The following GDF10 variants were observed in gnomAD, a reference collection of about 807,000 sequenced individuals.
The protein encoded by GDF10 is growth differentiation factor 10, also known as growth/differentiation factor 10.
GDF10 carries 23 observed loss-of-function variants against 32.1 expected under a neutral mutation model. The ratio of observed to expected loss-of-function variants is 0.72; its 90% CI spans 0.52 to 1.02. The LOEUF is 1.02. GDF10 is among the 50% of genes least tolerant of loss of function. The pLI, the probability that GDF10 is intolerant of heterozygous loss-of-function variation, is 0.00. For missense variants in GDF10, 764 were observed against 673.9 expected (o/e 1.13, Z -1.48); for synonymous variants, 328 against 303.1 (o/e 1.08, Z -0.85).
rs1464589689 is a variant in GDF10, at chr10:47,313,205, G to C, written c.*413G>C. 1 of 156,550 alleles carries C rather than the reference G, an allele frequency of 6.4e-6. No individual in the cohort carries two copies. The highest frequency in any genetic ancestry group is 2.4e-5 in the African/African-American group (1 of 41,604). 9.7% of individuals were successfully genotyped at this position (156,550 alleles called of 1,614,324 possible). The stretch of plus-strand genomic sequence containing the variant: ...TAAATGCTCAGTTCAGAACACTTTG[G>C]GCCACATAGTGATTTTGGAAAACAG... On this transcript the variant is annotated 3_prime_UTR_variant, in exon 3 of 3. Transcript: ENST00000580279.
rs1178079783 is a variant in GDF10 at position 47,310,387 on chromosome 10, C to A, written c.911C>A (p.Pro304Gln). Residue 304 changes from proline to glutamine, a missense_variant, in exon 2 of 3, where the codon CCG becomes CAG. Physicochemically the swap from Pro to Gln is moderately conservative, Grantham distance 76. Coordinates refer to ENST00000580279, the MANE Select transcript of GDF10 (RefSeq NM_004962.5). ...GGGCCCCTCCAGGACAACGAGCTGC[C>A]GGGGCTGGATGAGAGGCCGCCGCGC... is the stretch of plus-strand genomic sequence containing the variant. The part of the protein sequence containing the change: ...ATGPLQDNEL[P>Q]GLDERPPRAH... 1.9e-6 allele frequency: 3 copies of A among 1,608,372 alleles called. No homozygotes were observed. Among genetic ancestry groups the A allele is most frequent in the Non-Finnish European group, 2.5e-6 (3 of 1,178,362 alleles).
intron 1 of GDF10, among the ~76,000 whole-genome samples, chr10:47,301,455 CT>C (rs1555206847): frequency 1.3e-5 from 2 of 151,644 alleles, no homozygotes; most frequent in Non-Finnish European, 2.9e-5. Flanking sequence ...TGAGAAGGGC[CT>C]TGGCTGCCCG....
intron 1 of GDF10, among the ~76,000 whole-genome samples, chr10:47,307,828 C>A (rs1016023662): frequency 3.3e-5 from 5 of 152,160 alleles, no homozygotes; most frequent in African/African-American, 1.2e-4. Context: ...TGCAAGGTAC[C>A]CCAGTTGATG....
Position 47,310,870 on chromosome 10 carries a change from T to C in GDF10, c.1245+149T>C, listed in dbSNP as rs147547555. ...ATTCCAGGCAGGAAATAGGTAGACA[T>C]AGGTCACCAAGTGGCAGCCCGTAGG... On this transcript the variant is annotated intron_variant, in intron 2 of 2. Coordinates refer to ENST00000580279, the MANE Select transcript of GDF10 (RefSeq NM_004962.5). The C allele has an allele frequency of 4.8e-6, 3 of 624,980 alleles. No individual in the cohort carries two copies. The African/African-American group carries it at 5.5e-5, about 11-fold the overall frequency. The allele number at this position is 624,980 out of a possible 1,614,324, so 38.7% of individuals were successfully genotyped here. A position where few individuals can be genotyped will look rare whatever the true frequency, so the allele number is the denominator to read the frequency against.
chr10:47,310,183 G>A lies in GDF10; in HGVS notation c.707G>A (p.Arg236Gln), dbSNP rs782795294. The A allele has an allele frequency of 1.6e-5, 26 of 1,611,590 alleles. No individual in the cohort carries two copies. The East Asian group carries it at 5.1e-4, about 32-fold the overall frequency. Residue 236 changes from arginine to glutamine, a missense_variant, in exon 2 of 3, where the codon CGG becomes CAG. By Grantham distance (43) the Arg-to-Gln change is conservative. Coordinates refer to ENST00000580279, the MANE Select transcript of GDF10 (RefSeq NM_004962.5). ...DSEERDPGVP[R>Q]PSPYAPYILV... ...GAGGAGAGGGACCCGGGGGTGCCCC[G>A]GCCCAGCCCCTATGCGCCCTACATC... is the stretch of plus-strand genomic sequence containing the variant.
chr10:47,301,108 A>G, intron 1 of GDF10, 138 bp downstream of exon 1: 1 of 638,586 alleles, frequency 1.6e-6, no homozygotes, highest in East Asian at 3.3e-5. Flanking sequence ...CTAATGATTC[A>G]CTGATCTCTC....
intron 2 of GDF10, among the ~76,000 whole-genome samples, chr10:47,312,142 A>C (rs868929981): frequency 6.6e-6 from 1 of 152,220 alleles, no homozygotes; most frequent in African/African-American, 2.4e-5. Context: ...ACTGCCACGC[A>C]CATGCCAGGC....
In GDF10 at chr10:47,310,393, T is replaced by C; in HGVS notation, c.917T>C (p.Leu306Pro). ...GPLQDNELPG[L>P]DERPPRAHAQ... The stretch of plus-strand genomic sequence containing the variant: ...CTCCAGGACAACGAGCTGCCGGGGC[T>C]GGATGAGAGGCCGCCGCGCGCCCAC... Residue 306 changes from leucine to proline, a missense_variant, in exon 2 of 3, where the codon CTG becomes CCG. Coordinates refer to ENST00000580279, the MANE Select transcript of GDF10 (RefSeq NM_004962.5). 6.2e-7 allele frequency: 1 copy of C among 1,609,452 alleles called. No homozygotes were observed.
chr10:47,312,910 G>A lies in GDF10; in HGVS notation c.*118G>A. The A allele has an allele frequency of 1.7e-6, 1 of 593,148 alleles. No individual in the cohort carries two copies. The highest frequency in any genetic ancestry group is 2.9e-6 in the Non-Finnish European group (1 of 350,138). 36.7% of individuals were successfully genotyped at this position (593,148 alleles called of 1,614,324 possible). On this transcript the variant is annotated 3_prime_UTR_variant, in exon 3 of 3. Transcript: ENST00000580279. ...AGCACAGCTCATGGGCAACATCACT[G>A]GGGCCCAGAGAGAGCTGTCCGCCAG...
Position 47,310,016 on chromosome 10 carries a change from C to CACGG in GDF10, c.541_544dup (p.Ala182AspfsTer48). On this transcript the variant is annotated frameshift_variant, in exon 2 of 3. Transcript: ENST00000580279. LOFTEE classifies it high-confidence loss of function. ...TGCTCTTCCGCAGCCTCTCGCAGAA[C>CACGG]ACGGCCACACAGGGGCTACTCCGCG... The CACGG allele has an allele frequency of 6.2e-7, 1 of 1,609,030 alleles. No homozygotes were observed.
chr10:47,305,706 A>G (rs910093586), intron 1 of GDF10, among the ~76,000 whole-genome samples: 3 of 152,186 alleles, frequency 2.0e-5, no homozygotes, highest in Non-Finnish European at 4.4e-5. Context: ...GTGGGGCTGG[A>G]CAGGCCTTTG....
At position 47,313,072 on chromosome 10, in the gene GDF10, A is replaced by T. The variant is rs2061052836; in HGVS notation, c.*280A>T. On this transcript the variant is annotated 3_prime_UTR_variant, in exon 3 of 3. Coordinates refer to ENST00000580279, the MANE Select transcript of GDF10 (RefSeq NM_004962.5). ...CCCACTGTTCTGAAGGCTTGAAAAC[A>T]AAACATATCCACAACATTGGCTTGA... 1 of 306,348 alleles carries T rather than the reference A, an allele frequency of 3.3e-6. No homozygotes were observed. The highest frequency in any genetic ancestry group is 2.2e-5 in the African/African-American group (1 of 46,450). 19.0% of individuals were successfully genotyped at this position (306,348 alleles called of 1,614,324 possible).
Position 47,300,223 on chromosome 10 carries a change from C to A in GDF10, c.-429C>A, listed in dbSNP as rs1193132875. ...CACACGGGCGCACGCACACGGCAGCCGGGCCAGGGACGACCCTGTCAGCTG... is the reference window on the plus strand; with the variant it reads ...CACACGGGCGCACGCACACGGCAGCAGGGCCAGGGACGACCCTGTCAGCTG... On this transcript the variant is annotated 5_prime_UTR_variant, in exon 1 of 3. Transcript: ENST00000580279. Among the ~76,000 whole-genome samples, 3 of 151,634 alleles carry A rather than the reference C, an allele frequency of 2.0e-5. No individual in the cohort carries two copies. The highest frequency in any genetic ancestry group is 4.4e-5 in the Non-Finnish European group (3 of 67,872).
chr10:47,300,977 A>C lies in GDF10; in HGVS notation c.319+7A>C, dbSNP rs1555206812. ...AGCTTCAGGGCCAGGCTGGGTAAGT[A>C]GAGGGTGCCCCAGGACCCCTTCTCC... On this transcript the variant is annotated splice_region_variant and intron_variant, in intron 1 of 2. Transcript: ENST00000580279. The C allele has an allele frequency of 2.0e-6, 3 of 1,467,032 alleles. No homozygotes were observed. Among genetic ancestry groups the C allele is most frequent in the Non-Finnish European group, 9.0e-7 (1 of 1,114,082 alleles). 90.9% of individuals were successfully genotyped at this position (1,467,032 alleles called of 1,614,324 possible).
At position 47,310,296 on chromosome 10, in the gene GDF10, C is replaced by T; in HGVS notation, c.820C>T (p.Pro274Ser). Residue 274 changes from proline to serine, a missense_variant, in exon 2 of 3, where the codon CCC (proline) becomes TCC (serine). By Grantham distance (74) the Pro-to-Ser change is moderately conservative (BLOSUM62 -1). Coordinates refer to ENST00000580279, the MANE Select transcript of GDF10 (RefSeq NM_004962.5). ...QRYDPFPAGD[P>S]EPRAAPNNSA... ...ATACGACCCCTTCCCTGCCGGAGACCCCGAGCCCCGCGCAGCCCCCAACAA... is the reference window on the plus strand; with the variant it reads ...ATACGACCCCTTCCCTGCCGGAGACTCCGAGCCCCGCGCAGCCCCCAACAA... 1.2e-6 allele frequency: 2 copies of T among 1,608,264 alleles called. No individual in the cohort carries two copies. Among genetic ancestry groups the T allele is most frequent in the South Asian group, 1.1e-5 (1 of 90,422 alleles).
intron 1 of GDF10, 43 bp from the exon 2 acceptor site, chr10:47,309,753 C>T (rs1049166342): frequency 2.9e-6 from 4 of 1,399,484 alleles, no homozygotes; most frequent in East Asian, 2.3e-5. Flanking sequence ...CTCAGGAGCA[C>T]GAGCGAGAAC....
In GDF10 at chr10:47,309,869, C is replaced by A; in HGVS notation, c.393C>A (p.Ala131=). The change falls in exon 2 of 3, where the codon GCC becomes GCA. Residue 131 remains alanine, a synonymous_variant. Coordinates refer to ENST00000580279, the MANE Select transcript of GDF10 (RefSeq NM_004962.5). ...SMQDSEMILT[A]TFHFYSEPPR... is the part of the protein sequence containing the mutation. The stretch of plus-strand genomic sequence containing the variant: ...AAGACTCGGAAATGATCCTTACGGC[C>A]ACTTTCCACTTCTACTCAGAGCCGC... 1 of 1,612,872 alleles carries A rather than the reference C, an allele frequency of 6.2e-7. No individual in the cohort carries two copies. Among genetic ancestry groups the A allele is most frequent in the South Asian group, 1.1e-5 (1 of 91,054 alleles).
At chr10:47,306,633 C>G (rs2061023921) in intron 1 of GDF10, among the ~76,000 whole-genome samples, 1 of 152,174 alleles carries the variant, frequency 6.6e-6, no homozygotes, top group African/African-American at 2.4e-5. Context: ...AGCAGGATGT[C>G]AGGAAGTGCT....
At position 47,300,220 on chromosome 10, in the gene GDF10, A is replaced by C. The variant is rs1178162863; in HGVS notation, c.-432A>C. Among the ~76,000 whole-genome samples the C allele has an allele frequency of 5.3e-5, 8 of 151,580 alleles. No individual in the cohort carries two copies. Among genetic ancestry groups the C allele is most frequent in the African/African-American group, 1.9e-4 (8 of 41,354 alleles). On this transcript the variant is annotated 5_prime_UTR_variant, in exon 1 of 3. Transcript: ENST00000580279. ...CCACACACGGGCGCACGCACACGGC[A>C]GCCGGGCCAGGGACGACCCTGTCAG... is the stretch of plus-strand genomic sequence containing the variant.
Sources: gnomAD v4.1 joint callset for allele counts (sites outside exome capture counted in the v4.1 genomes callset) on GRCh38, gnomAD v4.1.1 for gene constraint, MANE v1.5 for transcripts, NCBI Gene and HGNC (gene_info 2026-07-23, HGNC 2026-07-21) for gene names.